GRM7: variants seen among roughly 807,000 people sequenced by gnomAD.
GRM7 encodes glutamate metabotropic receptor 7, also known as metabotropic glutamate receptor 7.
A neutral mutation model predicts 84.5 loss-of-function variants in GRM7; 35 were observed. The observed-to-expected ratio is 0.41, with a 90% CI of 0.32 to 0.55. The LOEUF (loss-of-function observed/expected upper bound fraction) is 0.55. Among genes scored for constraint, GRM7 ranks in the 20% least tolerant of loss-of-function variants. GRM7 has a pLI of 0.19. For synonymous variants in GRM7, 487 were observed against 455.1 expected (o/e 1.07, Z -0.89); for missense variants, 1,003 against 1,194.6 (o/e 0.84, Z 2.36).
At chr3:7,381,885 A>G (rs944032262) in intron 4 of GRM7, among the ~76,000 whole-genome samples, 42 of 152,174 alleles carry the variant, frequency 2.8e-4, no homozygotes, top group Admixed American at 6.6e-5. Context: ...GCTCAGGGTA[A>G]GTGGCCTTCA....
At chr3:7,112,591 G>T (rs1002596318) in intron 1 of GRM7, among the ~76,000 whole-genome samples, 77 of 152,196 alleles carry the variant, frequency 5.1e-4, no homozygotes, top group African/African-American at 1.6e-3. Flanking sequence ...TCTTGCAATG[G>T]ATGCTGATCA....
chr3:7,377,250 G>A (rs754735057), intron 4 of GRM7, among the ~76,000 whole-genome samples: 2 of 152,158 alleles, frequency 1.3e-5, no homozygotes, highest in African/African-American at 2.4e-5. Context: ...CAAGTCAAAT[G>A]TGTAGAGTGG....
chr3:7,480,016 C>T (rs546051721), intron 7 of GRM7, among the ~76,000 whole-genome samples: 8 of 152,080 alleles, frequency 5.3e-5, no homozygotes, highest in Admixed American at 1.3e-4. Context: ...CAATGGATAC[C>T]GCACTTGTCA....
intron 2 of GRM7, among the ~76,000 whole-genome samples, chr3:7,296,637 C>T (rs1299005745): frequency 1.3e-5 from 2 of 152,070 alleles, no homozygotes; most frequent in African/African-American, 4.8e-5. Context: ...ATATCATTTA[C>T]ATAGCTGAAC....
intron 5 of GRM7, among the ~76,000 whole-genome samples, chr3:7,435,694 T>G (rs1697018863): frequency 7.1e-6 from 1 of 140,398 alleles, no homozygotes; most frequent in South Asian, 2.5e-4. Flanking sequence ...TTTTTTTTTT[T>G]TTTTTTTTTT....
At chr3:7,403,536 A>G (rs536594255) in intron 4 of GRM7, among the ~76,000 whole-genome samples, 75 of 149,898 alleles carry the variant, frequency 5.0e-4, no homozygotes, top group Non-Finnish European at 9.8e-4. Flanking sequence ...AAGAATGGCA[A>G]CAAGATTCGG....
intron 8 of GRM7, among the ~76,000 whole-genome samples, chr3:7,676,313 A>T (rs546520524): frequency 6.6e-6 from 1 of 152,162 alleles, no homozygotes; most frequent in Non-Finnish European, 1.5e-5. Context: ...TAGTGGGAGC[A>T]GGTCCCTGGG....
chr3:7,597,182 C>T (rs939683303), intron 8 of GRM7, among the ~76,000 whole-genome samples: 10 of 151,966 alleles, frequency 6.6e-5, no homozygotes, highest in South Asian at 4.1e-4. Context: ...CAGTGGAAGA[C>T]GAGGGGGACG....
At chr3:6,916,890 G>A (rs982143396) in intron 1 of GRM7, among the ~76,000 whole-genome samples, 2 of 152,058 alleles carry the variant, frequency 1.3e-5, no homozygotes, top group Admixed American at 6.6e-5. Context: ...AAACTGAAAT[G>A]GTGGCTGGGT....
chr3:7,110,934 A>C (rs1434085230), intron 1 of GRM7, among the ~76,000 whole-genome samples: 1 of 152,128 alleles, frequency 6.6e-6, no homozygotes, highest in Non-Finnish European at 1.5e-5. Context: ...ATGATGTCTG[A>C]GATACAAGTT....
rs180918611 is a variant in GRM7, at chr3:7,635,081, C to T, written c.2452-44968C>T. On this transcript the variant is annotated intron_variant, in intron 8 of 9. Transcript: ENST00000357716. ...GCCATAGCCTCATATGGGTATTGAG[C>T]ACTTGAAGTGAGATTGGTGGGGCTG... Among the ~76,000 whole-genome samples, 14 of 152,268 alleles carry T rather than the reference C, an allele frequency of 9.2e-5. No individual in the cohort carries two copies. In the East Asian group the frequency reaches 2.7e-3, roughly 29 times the overall value.
At chr3:7,291,558 C>G (rs968150681) in intron 2 of GRM7, among the ~76,000 whole-genome samples, 1 of 132,578 alleles carries the variant, frequency 7.5e-6, no homozygotes, top group African/African-American at 2.8e-5. Context: ...CTCTCTCAAT[C>G]CCTCCGTCTG....
chr3:7,114,159 G>A (rs1692952770), intron 1 of GRM7, among the ~76,000 whole-genome samples: 1 of 152,094 alleles, frequency 6.6e-6, no homozygotes, highest in Admixed American at 6.6e-5. Flanking sequence ...TAAGTTCAAT[G>A]ACTTTTATAA....
chr3:7,257,212 G>C (rs1575089196), intron 2 of GRM7, among the ~76,000 whole-genome samples: 1 of 152,192 alleles, frequency 6.6e-6, no homozygotes, highest in East Asian at 1.9e-4. Context: ...TTCTATGGAA[G>C]ACCTCTCTGC....
At chr3:7,150,277 G>A (rs1382088949) in intron 2 of GRM7, among the ~76,000 whole-genome samples, 4 of 152,042 alleles carry the variant, frequency 2.6e-5, no homozygotes, top group African/African-American at 9.7e-5. Flanking sequence ...ATTTACTTTA[G>A]ACTTAAATCC....
chr3:7,728,533 G>T (rs1702208398), intron 9 of GRM7, among the ~76,000 whole-genome samples: 1 of 152,102 alleles, frequency 6.6e-6, no homozygotes, highest in Non-Finnish European at 1.5e-5. Context: ...TACAATTTGG[G>T]TATGGAAAGT....
intron 2 of GRM7, among the ~76,000 whole-genome samples, chr3:7,158,141 C>A (rs1465694823): frequency 6.6e-6 from 1 of 152,084 alleles, no homozygotes; most frequent in Non-Finnish European, 1.5e-5. Flanking sequence ...TTCATTTTTT[C>A]TGAGATATGA....
chr3:7,097,642 G>T (rs1698903373), intron 1 of GRM7, among the ~76,000 whole-genome samples: 1 of 152,020 alleles, frequency 6.6e-6, no homozygotes, highest in Admixed American at 6.6e-5. Context: ...CTAATAAATA[G>T]AATTCTCTCT....
intron 6 of GRM7, 59 bp from the exon 7 acceptor site, chr3:7,461,524 A>C: frequency 7.1e-7 from 1 of 1,401,352 alleles, no homozygotes; most frequent in Non-Finnish European, 1.0e-6. Flanking sequence ...CCCATAGTAC[A>C]AGAGATATAA....
Sources: gnomAD v4.1 joint callset for allele counts (sites outside exome capture counted in the v4.1 genomes callset) on GRCh38, gnomAD v4.1.1 for gene constraint, MANE v1.5 for transcripts, NCBI Gene and HGNC (gene_info 2026-07-23, HGNC 2026-07-21) for gene names.